SLC12A1: variants seen among roughly 807,000 people sequenced by gnomAD.
SLC12A1 encodes Na-K-2Cl cotransporter.
SLC12A1 carries 89 observed loss-of-function variants against 130.4 expected under a neutral mutation model. That is an observed-to-expected ratio of 0.68 (90% CI 0.58 to 0.81). The LOEUF is 0.81. Among genes scored for constraint, SLC12A1 ranks in the 40% least tolerant of loss-of-function variants. The pLI, the probability that SLC12A1 is intolerant of heterozygous loss-of-function variation, is 0.00. For missense variants in SLC12A1, 1,310 were observed against 1,336.4 expected (o/e 0.98, Z 0.31); for synonymous variants, 499 against 460.0 (o/e 1.08, Z -1.09).
chr15:48,270,422 T>G (rs904196859), intron 19 of SLC12A1, among the ~76,000 whole-genome samples: 2 of 151,822 alleles, frequency 1.3e-5, no homozygotes, highest in East Asian at 3.9e-4. Context: ...GTACTAATAT[T>G]TTTTCCCATT....
chr15:48,250,676 T>TCACACACACACACA (rs56705329), intron 14 of SLC12A1, among the ~76,000 whole-genome samples: 5,514 of 145,982 alleles, frequency 0.038, 296 homozygotes, highest in East Asian at 0.16. Flanking sequence ...AATGTCTGCC[T>TCACACACACACACA]CACACACACA....
intron 21 of SLC12A1, among the ~76,000 whole-genome samples, chr15:48,285,597 C>A (rs914282630): frequency 2.0e-5 from 3 of 152,198 alleles, no homozygotes; most frequent in Non-Finnish European, 2.9e-5. Flanking sequence ...ACTGTCTTAT[C>A]CACAGACACC....
Position 48,234,968 on chromosome 15 carries a change from G to A in SLC12A1, c.1179G>A (p.Gly393=). 1 of 1,613,890 alleles carries A rather than the reference G, an allele frequency of 6.2e-7. No individual in the cohort carries two copies. The highest frequency in any genetic ancestry group is 1.1e-5 in the South Asian group (1 of 91,078). ...CCATTTTTTTCCCAGCAGCTACTGG[G>A]ATTCTTGCTGGTGCCAATATCTCAG... ...VFAIFFPAAT[G]ILAGANISGD... is the part of the protein sequence containing the mutation. Residue 393 remains glycine (G), a synonymous_variant, in exon 9 of 27, where the codon GGG becomes GGA. Coordinates refer to ENST00000380993, the MANE Select transcript of SLC12A1 (RefSeq NM_000338.3).
At chr15:48,215,720 T>C (rs1346471261) in intron 2 of SLC12A1, among the ~76,000 whole-genome samples, 12 of 152,214 alleles carry the variant, frequency 7.9e-5, no homozygotes, top group Admixed American at 7.9e-4. Context: ...AGGAGGCATT[T>C]ATTAAAGAGT....
At chr15:48,214,990 T>A (rs2041102445) in intron 2 of SLC12A1, among the ~76,000 whole-genome samples, 1 of 151,888 alleles carries the variant, frequency 6.6e-6, no homozygotes, top group Non-Finnish European at 1.5e-5. Context: ...GATTAAAGGA[T>A]CAAAATTCAA....
chr15:48,277,487 G>A (rs2041965981), intron 20 of SLC12A1, among the ~76,000 whole-genome samples: 3 of 152,162 alleles, frequency 2.0e-5, no homozygotes, highest in African/African-American at 7.2e-5. Flanking sequence ...ACTTCTAAAA[G>A]CAAGAGAGGA....
chr15:48,233,516 G>A (rs1038579135), intron 8 of SLC12A1, among the ~76,000 whole-genome samples: 1 of 152,170 alleles, frequency 6.6e-6, no homozygotes, highest in African/African-American at 2.4e-5. Flanking sequence ...AAAGACTGTA[G>A]GAGTTACTCA....
At chr15:48,229,080 T>C (rs2041332820) in intron 5 of SLC12A1, 109 bp from the exon 6 acceptor site, 1 of 1,206,758 alleles carries the variant, frequency 8.3e-7, no homozygotes, top group Non-Finnish European at 1.1e-6. Context: ...GAAGTTGTAA[T>C]ACTGTTATTG....
intron 2 of SLC12A1, among the ~76,000 whole-genome samples, chr15:48,216,122 A>G (rs1367779455): frequency 6.6e-6 from 1 of 152,220 alleles, no homozygotes; most frequent in Non-Finnish European, 1.5e-5. Context: ...TGAACATATT[A>G]TTAATACCTA....
chr15:48,217,108 G>A (rs1439701722), intron 2 of SLC12A1, among the ~76,000 whole-genome samples: 7 of 152,008 alleles, frequency 4.6e-5, no homozygotes, highest in Non-Finnish European at 1.0e-4. Context: ...ATATATTGAA[G>A]TAATATTTTA....
intron 13 of SLC12A1, among the ~76,000 whole-genome samples, chr15:48,249,160 A>G (rs944795595): frequency 1.3e-5 from 2 of 152,228 alleles, no homozygotes; most frequent in African/African-American, 4.8e-5. Context: ...GGGCCTATGC[A>G]GGGAGATTTC....
intron 21 of SLC12A1, among the ~76,000 whole-genome samples, chr15:48,287,546 T>C (rs2042072919): frequency 6.6e-6 from 1 of 152,220 alleles, no homozygotes; most frequent in African/African-American, 2.4e-5. Flanking sequence ...TGAATGGAAC[T>C]TAAACCAAAA....
Position 48,286,217 on chromosome 15 carries a change from ATAGTTT to A in SLC12A1, c.2629+971_2629+976del, listed in dbSNP as rs199626713. 3.9e-5 allele frequency among the ~76,000 whole-genome samples: 6 copies of A among 152,222 alleles called. No homozygotes were observed. In the East Asian group the frequency reaches 1.2e-3, roughly 29 times the overall value. On this transcript the variant is annotated intron_variant, in intron 21 of 26. Coordinates refer to ENST00000380993, the MANE Select transcript of SLC12A1 (RefSeq NM_000338.3). Reference sequence around the variant, plus strand: ...AGGACGAAATTTCACCTGTAATATAATAGTTTTATATATCCACAGAGAATGATGGGA... The same window carrying A: ...AGGACGAAATTTCACCTGTAATATAATATATATCCACAGAGAATGATGGGA...
chr15:48,286,872 T>C (rs1338287251), intron 21 of SLC12A1, among the ~76,000 whole-genome samples: 1 of 152,196 alleles, frequency 6.6e-6, no homozygotes, highest in Non-Finnish European at 1.5e-5. Flanking sequence ...ACAGGAGGCC[T>C]CTGGCTGCTT....
intron 25 of SLC12A1, among the ~76,000 whole-genome samples, chr15:48,301,033 CCTT>C (rs1368235612): frequency 3.3e-5 from 5 of 152,018 alleles, no homozygotes; most frequent in Non-Finnish European, 7.4e-5. Flanking sequence ...GGAGAAAACA[CCTT>C]CTTTTTAGTG....
At chr15:48,235,438 G>C (rs1378461956) in intron 9 of SLC12A1, 1 of 235,798 alleles carries the variant, frequency 4.2e-6, no homozygotes, top group Non-Finnish European at 8.5e-6. Flanking sequence ...AAAGAGCATG[G>C]TATGAGTTAG....
At chr15:48,275,199 C>G (rs2041939035) in intron 20 of SLC12A1, among the ~76,000 whole-genome samples, 1 of 152,166 alleles carries the variant, frequency 6.6e-6, no homozygotes, top group Non-Finnish European at 1.5e-5. Flanking sequence ...TAAACATACT[C>G]TTTTGTGTAT....
At position 48,226,478 on chromosome 15, in the gene SLC12A1, CT is replaced by C; in HGVS notation, c.633del (p.Gly212GlufsTer4). The C allele has an allele frequency of 6.3e-7, 1 of 1,576,170 alleles. No homozygotes were observed. Among genetic ancestry groups the C allele is most frequent in the Non-Finnish European group, 8.7e-7 (1 of 1,154,576 alleles). Reference sequence around the variant, plus strand: ...CTTCTATCTTTCATTGCTAACAGGTCTTGGAGTTCTCATAATTCTTCTTTCC... The same window carrying C: ...CTTCTATCTTTCATTGCTAACAGGTCTGGAGTTCTCATAATTCTTCTTTCC... ...SWIVGEAGIGLGVLIILLSTM... is the reference protein window; with the variant it reads ...SWIVGEAGIGXGVLIILLSTM... On this transcript the variant is annotated frameshift_variant, in exon 5 of 27. Transcript: ENST00000380993. LOFTEE classifies it high-confidence loss of function.
chr15:48,207,970 C>G lies in SLC12A1; in HGVS notation c.251C>G (p.Ala84Gly), dbSNP rs375797808. 4.4e-5 allele frequency: 71 copies of G among 1,613,824 alleles called. No individual in the cohort carries two copies. The highest frequency in any genetic ancestry group is 5.7e-5 in the Non-Finnish European group (67 of 1,179,888). The stretch of plus-strand genomic sequence containing the variant: ...AGTGGAGAAACTGCTAAAACAGATG[C>G]CAGTTTTCACGCTTATGATTCTCAC... The part of the protein sequence containing the change: ...LQSGETAKTD[A>G]SFHAYDSHTN... The change falls in exon 2 of 27, where the codon GCC becomes GGC. Residue 84 changes from alanine to glycine, a missense_variant. Ala to Gly is a moderately conservative substitution (Grantham distance 60, BLOSUM62 0). Transcript: ENST00000380993.
Sources: allele counts gnomAD v4.1 joint callset (sites outside exome capture counted in the v4.1 genomes callset), GRCh38; gene constraint gnomAD v4.1.1; transcripts MANE v1.5; gene names NCBI Gene and HGNC (gene_info 2026-07-23, HGNC 2026-07-21).